Variants in E2F7 observed in about 807,000 individuals in gnomAD.
E2F7 encodes transcription factor E2F7.
In E2F7, 35 loss-of-function variants were observed where a neutral mutation model predicts 81.1. The observed-to-expected ratio is 0.43, with a 90% CI of 0.33 to 0.57. The LOEUF (loss-of-function observed/expected upper bound fraction) is 0.57, where lower values mean the gene tolerates loss of function less well. E2F7 is among the 20% of genes least tolerant of loss of function. The pLI, the probability that E2F7 is intolerant of heterozygous loss-of-function variation, is 0.04. For synonymous variants in E2F7, 416 were observed against 416.2 expected, an observed-to-expected ratio of 1.00 and a Z score of 0.01; for missense variants, 961 against 1,093.7, an observed-to-expected ratio of 0.88 and a Z score of 1.71.
intron 3 of E2F7, 128 bp downstream of exon 3, chr12:77,055,725 CAA>C: frequency 3.0e-6 from 3 of 1,015,418 alleles, no homozygotes. Context: ...TACTACAAAT[CAA>C]AAGATATTCA....
chr12:77,029,551 A>G (rs1242177146), intron 10 of E2F7, among the ~76,000 whole-genome samples: 1 of 152,206 alleles, frequency 6.6e-6, no homozygotes, highest in Non-Finnish European at 1.5e-5. Context: ...ATATATAAAC[A>G]TGTTAATAGT....
intron 6 of E2F7, 39 bp downstream of exon 6, chr12:77,044,598 T>G (rs1357455213): frequency 6.2e-7 from 1 of 1,604,922 alleles, no homozygotes; most frequent in Non-Finnish European, 8.5e-7. Flanking sequence ...AATCCCACCC[T>G]TTATGTGCTA....
At chr12:77,056,888 C>CTT (rs35865722) in intron 2 of E2F7, among the ~76,000 whole-genome samples, 56,577 of 145,586 alleles carry the variant, frequency 0.39, 11,096 homozygotes, top group South Asian at 0.43. Context: ...ATTTTTCTTA[C>CTT]TTTTTTTTTT....
chr12:77,035,414 T>C (rs1954840775), intron 7 of E2F7, among the ~76,000 whole-genome samples: 2 of 152,168 alleles, frequency 1.3e-5, no homozygotes, highest in South Asian at 2.1e-4. Context: ...GCAGCTCATA[T>C]AGGACTGGGA....
intron 4 of E2F7, among the ~76,000 whole-genome samples, chr12:77,047,436 T>C (rs1048236948): frequency 2.6e-5 from 4 of 152,220 alleles, no homozygotes; most frequent in African/African-American, 4.8e-5. Context: ...TAAGAGGTCA[T>C]AGTAGAAACA....
chr12:77,053,600 T>C (rs190744909), intron 3 of E2F7, among the ~76,000 whole-genome samples: 80 of 152,314 alleles, frequency 5.3e-4, no homozygotes, highest in African/African-American at 1.8e-3. Context: ...AACTTGTATA[T>C]GTACACCAGC....
intron 2 of E2F7, among the ~76,000 whole-genome samples, chr12:77,063,800 C>G (rs1309380733): frequency 6.6e-6 from 1 of 152,140 alleles, no homozygotes; most frequent in East Asian, 1.9e-4. Context: ...AAAATAAGAC[C>G]AGGAGCTCGG....
chr12:77,055,329 G>A (rs1253358758), intron 3 of E2F7, among the ~76,000 whole-genome samples: 1 of 150,876 alleles, frequency 6.6e-6, no homozygotes, highest in Non-Finnish European at 1.5e-5. Flanking sequence ...CTGAGAAAAA[G>A]CTTGATGGGA....
chr12:77,049,991 A>G (rs1463861557), intron 4 of E2F7, among the ~76,000 whole-genome samples: 1 of 152,152 alleles, frequency 6.6e-6, no homozygotes, highest in Non-Finnish European at 1.5e-5. Flanking sequence ...GTGTATACAT[A>G]TTTCCAGCAC....
chr12:77,064,455 A>G (rs1955101783), intron 2 of E2F7, 88 bp downstream of exon 2: 6 of 1,076,492 alleles, frequency 5.6e-6, no homozygotes, highest in Non-Finnish European at 5.6e-6. Flanking sequence ...GCTTAAATAC[A>G]AATACAAATG....
Position 77,025,546 on chromosome 12 carries a change from T to C in E2F7, c.2565+12A>G, listed in dbSNP as rs1565892426. Reference sequence around the variant, plus strand: ...CAGAGTGACAGTGTCTTCAGGAAACTTCAGGCCTCACCTGATGTAATTTTA... The same window carrying C: ...CAGAGTGACAGTGTCTTCAGGAAACCTCAGGCCTCACCTGATGTAATTTTA... On this transcript the variant is annotated intron_variant, in intron 12 of 12. Transcript: ENST00000322886. The C allele has an allele frequency of 4.3e-6, 7 of 1,613,100 alleles. No homozygotes were observed. The South Asian group carries it at 7.7e-5, about 18-fold the overall frequency.
At position 77,022,856 on chromosome 12, in the gene E2F7, C is replaced by T. The variant is rs952918080; in HGVS notation, c.*1159G>A. 6.6e-6 allele frequency: 1 copy of T among 152,150 alleles called. No homozygotes were observed. The highest frequency in any genetic ancestry group is 2.4e-5 in the African/African-American group (1 of 41,430). The allele number at this position is 152,150 out of a possible 1,614,324, so 9.4% of individuals were successfully genotyped here. A position where few individuals can be genotyped will look rare whatever the true frequency, so the allele number is the denominator to read the frequency against. ...TTGTATTCATGCTAGAACAACCAAC[C>T]CGTGCGCTCACCATTCTCATTTTTC... On this transcript the variant is annotated 3_prime_UTR_variant, in exon 13 of 13. Transcript: ENST00000322886.
rs1369250589 is a variant in E2F7 at position 77,023,449 on chromosome 12, C to T, written c.*566G>A. On this transcript the variant is annotated 3_prime_UTR_variant, in exon 13 of 13. Coordinates refer to ENST00000322886, the MANE Select transcript of E2F7 (RefSeq NM_203394.3). Reference sequence around the variant, plus strand: ...GCAAATTATAGAATAAAAGTATAAACATTCAAGTCGTCATACCCTGAAAAA... The same window carrying T: ...GCAAATTATAGAATAAAAGTATAAATATTCAAGTCGTCATACCCTGAAAAA... 6.5e-6 allele frequency: 1 copy of T among 152,750 alleles called. No homozygotes were observed. The highest frequency in any genetic ancestry group is 1.5e-5 in the Non-Finnish European group (1 of 68,144). 9.5% of individuals were successfully genotyped at this position (152,750 alleles called of 1,614,324 possible). A position where few individuals can be genotyped will look rare whatever the true frequency, so the allele number is the denominator to read the frequency against.
intron 7 of E2F7, among the ~76,000 whole-genome samples, chr12:77,041,359 T>C: frequency 6.6e-6 from 1 of 152,116 alleles, no homozygotes; most frequent in Non-Finnish European, 1.5e-5. Context: ...GCCTGGCTAA[T>C]TTTTTATTTT....
chr12:77,037,287 C>T lies in E2F7; in HGVS notation c.1124-3245G>A, dbSNP rs146170136. ...TTAGACAATTTTCTTATTAAAGTTT[C>T]TTCAAAAGGTAATTAACTGTGGGCC... On this transcript the variant is annotated intron_variant, in intron 7 of 12. Coordinates refer to ENST00000322886, the MANE Select transcript of E2F7 (RefSeq NM_203394.3). 4.6e-5 allele frequency among the ~76,000 whole-genome samples: 7 copies of T among 152,200 alleles called. No individual in the cohort carries two copies. In the East Asian group the frequency reaches 1.4e-3, roughly 29 times the overall value.
rs76397817 is a variant in E2F7, at chr12:77,036,183, A to G, written c.1124-2141T>C. On this transcript the variant is annotated intron_variant, in intron 7 of 12. Coordinates refer to ENST00000322886, the MANE Select transcript of E2F7 (RefSeq NM_203394.3). ...AACCCAAAGATCCAAGAAACGCAACAAAACCAAGTACACAAAACATGAAGA... is the reference window on the plus strand; with the variant it reads ...AACCCAAAGATCCAAGAAACGCAACGAAACCAAGTACACAAAACATGAAGA... 2.0e-4 allele frequency among the ~76,000 whole-genome samples: 31 copies of G among 152,346 alleles called. No homozygotes were observed. The East Asian group carries it at 5.6e-3, about 27-fold the overall frequency.
intron 12 of E2F7, 77 bp downstream of exon 12, chr12:77,025,479 CAT>C: frequency 1.3e-6 from 2 of 1,517,966 alleles, no homozygotes; most frequent in Non-Finnish European, 1.8e-6. Context: ...GTCCGGCAGT[CAT>C]GTGGCTAAAA....
At chr12:77,037,253 G>C (rs1954859302) in intron 7 of E2F7, among the ~76,000 whole-genome samples, 1 of 152,196 alleles carries the variant, frequency 6.6e-6, no homozygotes, top group South Asian at 2.1e-4. Flanking sequence ...GTAACAACAT[G>C]GGTTAGGGTT....
At chr12:77,061,573 T>C (rs1955079078) in intron 2 of E2F7, among the ~76,000 whole-genome samples, 4 of 152,226 alleles carry the variant, frequency 2.6e-5, no homozygotes, top group Admixed American at 2.6e-4. Flanking sequence ...GTAAGAGGCA[T>C]AGTAACTTCG....
Sources: allele counts gnomAD v4.1 joint callset (sites outside exome capture counted in the v4.1 genomes callset), GRCh38; gene constraint gnomAD v4.1.1; transcripts MANE v1.5; gene names NCBI Gene and HGNC (gene_info 2026-07-23, HGNC 2026-07-21).